The following IST1 variants were observed in gnomAD, a reference collection of about 807,000 sequenced individuals.
The protein encoded by IST1 is IST1 factor associated with ESCRT-III, also known as IST1 homolog.
A neutral mutation model predicts 37.0 loss-of-function variants in IST1; 23 were observed. That is an observed-to-expected ratio of 0.62 (90% CI 0.45 to 0.88). The LOEUF is 0.88. IST1 is among the 40% of genes least tolerant of loss of function. The probability of loss-of-function intolerance (pLI) is 0.00; values close to 1 mark genes in which losing one functional copy is unlikely to be tolerated. For synonymous variants in IST1, 180 were observed against 161.7 expected (o/e 1.11, Z -0.86); for missense variants, 488 against 445.4 (o/e 1.10, Z -0.86).
intron 9 of IST1, among the ~76,000 whole-genome samples, chr16:71,926,263 C>T (rs2037740080): frequency 6.6e-6 from 1 of 151,898 alleles, no homozygotes; most frequent in Non-Finnish European, 1.5e-5. Context: ...GCCTGGGCGA[C>T]AGAGTGAGAC....
At chr16:71,908,811 A>G (rs758796379) in intron 1 of IST1, among the ~76,000 whole-genome samples, 53 of 152,240 alleles carry the variant, frequency 3.5e-4, no homozygotes, top group Non-Finnish European at 6.0e-4. Flanking sequence ...AGGCTGGGGA[A>G]CATCAGAGGG....
chr16:71,926,015 C>A (rs922682810), intron 9 of IST1, among the ~76,000 whole-genome samples: 3 of 152,066 alleles, frequency 2.0e-5, no homozygotes, highest in African/African-American at 7.2e-5. Flanking sequence ...GGTGCGGTGG[C>A]TCACCCCTGT....
chr16:71,922,757 A>T, intron 7 of IST1, 77 bp downstream of exon 7: 1 of 1,220,838 alleles, frequency 8.2e-7, no homozygotes, highest in Non-Finnish European at 1.2e-6. Context: ...CACACTCAGG[A>T]ATCATAGGTT....
intron 1 of IST1, among the ~76,000 whole-genome samples, chr16:71,902,656 T>A (rs567972577): frequency 1.3e-5 from 2 of 152,264 alleles, no homozygotes; most frequent in African/African-American, 4.8e-5. Flanking sequence ...TCTGAGGGAT[T>A]TGTTTATTTC....
upstream of IST1, chr16:71,894,894 TAA>T (rs750016070): frequency 2.2e-5 from 31 of 1,394,178 alleles, no homozygotes; most frequent in South Asian, 3.3e-4. Flanking sequence ...AATACCGAGA[TAA>T]ATTAGGGAAA....
chr16:71,896,493 C>T (rs1436062496), intron 1 of IST1, among the ~76,000 whole-genome samples: 3 of 152,176 alleles, frequency 2.0e-5, no homozygotes, highest in Non-Finnish European at 4.4e-5. Context: ...CAACTCATGC[C>T]TAATCTTGTT....
Position 71,916,659 on chromosome 16 carries a change from C to T in IST1, c.269+17C>T, listed in dbSNP as rs757666224. On this transcript the variant is annotated intron_variant, in intron 3 of 9. Transcript: ENST00000378799. ...GTCTATGAAGTAAGATATTTTGATT[C>T]AGAGACCTAAATCATTTCTGGAATT... 88 of 1,596,766 alleles carry T rather than the reference C, an allele frequency of 5.5e-5. No individual in the cohort carries two copies. The highest frequency in any genetic ancestry group is 1.6e-4 in the East Asian group (7 of 44,638).
At chr16:71,909,071 A>G (rs1328677045) in intron 1 of IST1, among the ~76,000 whole-genome samples, 3 of 129,196 alleles carry the variant, frequency 2.3e-5, no homozygotes, top group Non-Finnish European at 5.1e-5. Context: ...GTATTCTGTC[A>G]TGTTTTTGTC....
At position 71,929,768 on chromosome 16, in the gene IST1, TTAGTAAA is replaced by T. The variant is rs2037859530; in HGVS notation, c.*1957_*1963del. 3 of 1,244,828 alleles carry T rather than the reference TTAGTAAA, an allele frequency of 2.4e-6. No homozygotes were observed. Among genetic ancestry groups the T allele is most frequent in the Non-Finnish European group, 3.3e-6 (3 of 910,474 alleles). 77.1% of individuals were successfully genotyped at this position (1,244,828 alleles called of 1,614,324 possible). A position where few individuals can be genotyped will look rare whatever the true frequency, so the allele number is the denominator to read the frequency against. ...AAAAGTACCAAAGATTTTTAAAAAA[TTAGTAAA>T]TGTAAAGATACTATTTCTTTAATAA... On this transcript the variant is annotated 3_prime_UTR_variant, in exon 10 of 10. Coordinates refer to ENST00000378799, the MANE Select transcript of IST1 (RefSeq NM_001270975.2).
intron 1 of IST1, among the ~76,000 whole-genome samples, chr16:71,904,204 A>C (rs1244412779): frequency 6.6e-6 from 1 of 152,056 alleles, no homozygotes; most frequent in African/African-American, 2.4e-5. Context: ...GCTCGCTGCA[A>C]TCTCTGCCTG....
chr16:71,924,878 T>C, intron 9 of IST1, 61 bp downstream of exon 9: 5 of 1,153,286 alleles, frequency 4.3e-6, no homozygotes, highest in Non-Finnish European at 6.6e-6. Context: ...TGTTTTCTCA[T>C]TATTGTTCCT....
Position 71,895,569 on chromosome 16 carries a change from T to C in IST1, c.-36T>C. ...AACCCTGAAGTCGGTGTCTGCTGCG[T>C]TCACGGCAGGATTCGGTTAGGTGAG... On this transcript the variant is annotated 5_prime_UTR_variant, in exon 1 of 10. Coordinates refer to ENST00000378799, the MANE Select transcript of IST1 (RefSeq NM_001270975.2). 1.0e-6 allele frequency: 1 copy of C among 985,508 alleles called. No homozygotes were observed. Among genetic ancestry groups the C allele is most frequent in the African/African-American group, 1.7e-5 (1 of 57,370 alleles). 61.0% of individuals were successfully genotyped at this position (985,508 alleles called of 1,614,324 possible).
At chr16:71,920,471 TC>T (rs1484823039) in intron 4 of IST1, among the ~76,000 whole-genome samples, 1 of 152,248 alleles carries the variant, frequency 6.6e-6, no homozygotes, top group Admixed American at 6.5e-5. Flanking sequence ...AATGTAAGAC[TC>T]TATAAGAGTA....
chr16:71,909,087 T>C (rs1388996552), intron 1 of IST1, among the ~76,000 whole-genome samples: 2 of 144,500 alleles, frequency 1.4e-5, no homozygotes, highest in East Asian at 4.3e-4. Context: ...TTGTCAAATT[T>C]TGTTTGTCTT....
chr16:71,924,963 C>G (rs2037703787), intron 9 of IST1, 146 bp downstream of exon 9: 2 of 614,074 alleles, frequency 3.3e-6, no homozygotes, highest in Admixed American at 2.8e-5. Context: ...TAAAATAGAA[C>G]TCAGGATATC....
intron 7 of IST1, 72 bp downstream of exon 7, chr16:71,922,752 T>C (rs1196436265): frequency 4.8e-6 from 6 of 1,259,572 alleles, no homozygotes; most frequent in Non-Finnish European, 5.7e-6. Context: ...GTGAACACAC[T>C]CAGGAATCAT....
Position 71,922,521 on chromosome 16 carries a change from C to T in IST1, c.600C>T (p.Phe200=). The part of the protein sequence containing the change: ...GVETDLIDVG[F]TDDVKKGGPG... ...AGACAGATCTTATTGATGTTGGATT[C>T]ACAGATGATGTGAAGAAAGGAGGCC... Residue 200 remains phenylalanine, a synonymous_variant, in exon 7 of 10, where the codon TTC becomes TTT. Coordinates refer to ENST00000378799, the MANE Select transcript of IST1 (RefSeq NM_001270975.2). The T allele has an allele frequency of 6.2e-7, 1 of 1,614,158 alleles. No homozygotes were observed. Among genetic ancestry groups the T allele is most frequent in the East Asian group, 2.2e-5 (1 of 44,876 alleles).
At chr16:71,923,056 C>G (rs913620552) in intron 7 of IST1, 5 of 470,872 alleles carry the variant, frequency 1.1e-5, no homozygotes, top group African/African-American at 2.0e-5. Context: ...AGAGTTTTCC[C>G]TTGTAAACAC....
chr16:71,903,967 G>C (rs981385632), intron 1 of IST1, among the ~76,000 whole-genome samples: 2 of 152,160 alleles, frequency 1.3e-5, no homozygotes, highest in Admixed American at 6.6e-5. Context: ...TTGAAGCTCT[G>C]TTGTTGGGTG....
Sources: allele counts gnomAD v4.1 joint callset (sites outside exome capture counted in the v4.1 genomes callset), GRCh38; gene constraint gnomAD v4.1.1; transcripts MANE v1.5; gene names NCBI Gene and HGNC (gene_info 2026-07-23, HGNC 2026-07-21).